Variants in RPA3 observed in about 807,000 individuals in gnomAD.
RPA3 encodes replication protein A 14 kDa subunit.
RPA3 carries 24 observed loss-of-function variants against 13.7 expected under a neutral mutation model. The observed-to-expected ratio is 1.75, with a 90% CI of 1.27 to 2.46. The LOEUF (loss-of-function observed/expected upper bound fraction) is 2.46, where lower values mean the gene tolerates loss of function less well. Among genes scored for constraint, RPA3 ranks in the 30% most tolerant of loss-of-function variants. The pLI, the probability that RPA3 is intolerant of heterozygous loss-of-function variation, is 0.00. For synonymous variants in RPA3, 59 were observed against 51.2 expected, an observed-to-expected ratio of 1.15 and a Z score of -0.65; for missense variants, 183 against 151.0, an observed-to-expected ratio of 1.21 and a Z score of -1.11.
At chr7:7,694,034 A>C (rs1244583224) in intron 2 of RPA3, among the ~76,000 whole-genome samples, 2 of 152,110 alleles carry the variant, frequency 1.3e-5, no homozygotes, top group Non-Finnish European at 2.9e-5. Flanking sequence ...GTTTTTTTCA[A>C]CTGAGTCATT....
intron 4 of RPA3, among the ~76,000 whole-genome samples, chr7:7,666,074 T>A (rs1779445710): frequency 6.6e-6 from 1 of 152,228 alleles, no homozygotes; most frequent in Non-Finnish European, 1.5e-5. Flanking sequence ...TTTAAGAAAC[T>A]GCCAAACTGT....
chr7:7,681,196 A>G (rs898528968), intron 4 of RPA3, among the ~76,000 whole-genome samples: 1 of 152,188 alleles, frequency 6.6e-6, no homozygotes, highest in Non-Finnish European at 1.5e-5. Context: ...TAGAAAGGTC[A>G]GAGTAAATTA....
At chr7:7,705,311 A>C (rs1780570478) in intron 2 of RPA3, among the ~76,000 whole-genome samples, 1 of 152,252 alleles carries the variant, frequency 6.6e-6, no homozygotes, top group Non-Finnish European at 1.5e-5. Context: ...CTTATAAAAA[A>C]ATAGAATCTT....
At chr7:7,711,837 A>G (rs1283006235) in intron 2 of RPA3, among the ~76,000 whole-genome samples, 2 of 152,224 alleles carry the variant, frequency 1.3e-5, no homozygotes, top group Admixed American at 6.5e-5. Flanking sequence ...CTTAACTTTC[A>G]TATTTCAGTC....
intron 4 of RPA3, among the ~76,000 whole-genome samples, chr7:7,675,750 G>A (rs1779722771): frequency 1.3e-5 from 2 of 152,130 alleles, no homozygotes; most frequent in Admixed American, 6.5e-5. Context: ...AACAGTCATG[G>A]TGAGGAATCA....
chr7:7,669,584 T>G (rs1166192826), intron 4 of RPA3, among the ~76,000 whole-genome samples: 1 of 152,218 alleles, frequency 6.6e-6, no homozygotes, highest in African/African-American at 2.4e-5. Flanking sequence ...TGACCTTAGG[T>G]ACCTAGTGGC....
chr7:7,657,631 G>T (rs528205363), intron 4 of RPA3, among the ~76,000 whole-genome samples: 1 of 152,078 alleles, frequency 6.6e-6, no homozygotes, highest in African/African-American at 2.4e-5. Context: ...TAGATGTGTG[G>T]TATTATTTCT....
At chr7:7,657,351 C>T (rs762084261) in intron 4 of RPA3, among the ~76,000 whole-genome samples, 9 of 152,066 alleles carry the variant, frequency 5.9e-5, no homozygotes, top group Admixed American at 3.3e-4. Context: ...CTTTTGTTGC[C>T]GTTGCTTTTG....
At chr7:7,682,266 A>G (rs147084895) in intron 4 of RPA3, among the ~76,000 whole-genome samples, 1 of 152,296 alleles carries the variant, frequency 6.6e-6, no homozygotes, top group African/African-American at 2.4e-5. Flanking sequence ...TTCACCTTTT[A>G]AAATACTTAA....
intron 4 of RPA3, among the ~76,000 whole-genome samples, chr7:7,645,468 T>C (rs1785072421): frequency 6.6e-6 from 1 of 152,220 alleles, no homozygotes; most frequent in Non-Finnish European, 1.5e-5. Context: ...GGTTATCTCA[T>C]AGGCCAGGTA....
At chr7:7,717,529 A>G in intron 1 of RPA3, among the ~76,000 whole-genome samples, 1 of 152,198 alleles carries the variant, frequency 6.6e-6, no homozygotes, top group East Asian at 1.9e-4. Context: ...TTGAAGTAAA[A>G]TGTTTAAGGT....
intron 7 of RPA3, 46 bp from the exon 8 acceptor site, chr7:7,637,128 GT>G (rs368537209): frequency 1.4e-3 from 1,787 of 1,270,092 alleles, no homozygotes; most frequent in Non-Finnish European, 1.9e-3. Context: ...ATGGAAAGTT[GT>G]AACATCAATT....
chr7:7,685,128 T>C (rs1391584438), intron 4 of RPA3, among the ~76,000 whole-genome samples: 1 of 152,194 alleles, frequency 6.6e-6, no homozygotes, highest in African/African-American at 2.4e-5. Context: ...ACAGTATGAA[T>C]ATTCTACCTT....
At chr7:7,701,864 T>C (rs552940355) in intron 2 of RPA3, among the ~76,000 whole-genome samples, 2 of 152,292 alleles carry the variant, frequency 1.3e-5, no homozygotes, top group South Asian at 2.1e-4. Flanking sequence ...CTTTCTTCAG[T>C]CTCCATTTAT....
chr7:7,640,264 C>T, intron 5 of RPA3, 56 bp downstream of exon 5: 1 of 1,550,830 alleles, frequency 6.4e-7, no homozygotes, highest in Non-Finnish European at 8.9e-7. Context: ...GTTATCCAGG[C>T]GGGGTCCCTC....
chr7:7,638,049 G>A, intron 6 of RPA3, 77 bp from the exon 7 acceptor site: 3 of 1,013,982 alleles, frequency 3.0e-6, no homozygotes, highest in Non-Finnish European at 4.5e-6. Flanking sequence ...CTGTTATACA[G>A]GTTACTAATC....
chr7:7,658,427 G>C (rs976906454), intron 4 of RPA3, among the ~76,000 whole-genome samples: 1 of 152,206 alleles, frequency 6.6e-6, no homozygotes, highest in East Asian at 1.9e-4. Flanking sequence ...TGCCCATTCA[G>C]TATGATATTG....
chr7:7,698,330 A>G (rs1242293985), intron 2 of RPA3, among the ~76,000 whole-genome samples: 2 of 152,192 alleles, frequency 1.3e-5, no homozygotes, highest in South Asian at 2.1e-4. Flanking sequence ...GCTTTTTAAA[A>G]TAAGGTTTAT....
At chr7:7,677,872 A>G (rs1338890508) in intron 4 of RPA3, among the ~76,000 whole-genome samples, 1 of 150,398 alleles carries the variant, frequency 6.6e-6, no homozygotes, top group Admixed American at 6.6e-5. Flanking sequence ...ACGGGGTTTC[A>G]CCGTTTTAGC....
Sources: gnomAD v4.1 joint callset for allele counts (sites outside exome capture counted in the v4.1 genomes callset) on GRCh38, gnomAD v4.1.1 for gene constraint, MANE v1.5 for transcripts, NCBI Gene and HGNC (gene_info 2026-07-23, HGNC 2026-07-21) for gene names.